Variants in LRP6 observed in about 807,000 individuals in gnomAD.
LRP6 encodes the protein low-density lipoprotein receptor-related protein 6.
A neutral mutation model predicts 184.1 loss-of-function variants in LRP6; 43 were observed. The observed-to-expected ratio is 0.23, with a 90% CI of 0.18 to 0.30. LRP6 has a LOEUF of 0.30. Ranked by LOEUF, LRP6 falls within the 10% of genes least tolerant of loss-of-function variation. LRP6 has a pLI of 1.00. For missense variants in LRP6, 1,571 were observed against 2,005.3 expected (o/e 0.78, Z 4.14); for synonymous variants, 719 against 684.9 (o/e 1.05, Z -0.78).
At position 12,119,603 on chromosome 12, in the gene LRP6, C is replaced by T. The variant is rs1949565355; in HGVS notation, c.*1523G>A. 6.6e-6 allele frequency: 1 copy of T among 152,106 alleles called. No homozygotes were observed. Among genetic ancestry groups the T allele is most frequent in the Non-Finnish European group, 1.5e-5 (1 of 68,038 alleles). The allele number at this position is 152,106 out of a possible 1,614,324, so 9.4% of individuals were successfully genotyped here. ...ATCACAAAAGAGGCTTCCATTATTC[C>T]CTTCCACCCAAATTCTGACAGCTGA... On this transcript the variant is annotated 3_prime_UTR_variant, in exon 23 of 23. Transcript: ENST00000261349.
chr12:12,158,864 T>G lies in LRP6; in HGVS notation c.2756A>C (p.His919Pro), dbSNP rs1591898047. 1 of 1,614,198 alleles carries G rather than the reference T, an allele frequency of 6.2e-7. No individual in the cohort carries two copies. Reference protein sequence around the residue: ...VGGFVCGCPAHYSLNADNRTC... With the variant: ...VGGFVCGCPAPYSLNADNRTC... ...CCTGTTGTCAGCATTAAGAGAGTAG[T>G]GGGCAGGGCATCCACAAACAAAACC... The change falls in exon 12 of 23, where the codon CAC becomes CCC. Residue 919 changes from histidine to proline, a missense_variant. His to Pro is a moderately conservative substitution (Grantham distance 77). Coordinates refer to ENST00000261349, the MANE Select transcript of LRP6 (RefSeq NM_002336.3).
intron 7 of LRP6, among the ~76,000 whole-genome samples, chr12:12,174,957 A>C (rs1268533849): frequency 6.6e-6 from 1 of 152,244 alleles, no homozygotes; most frequent in Admixed American, 6.5e-5. Flanking sequence ...AGCTTACTCT[A>C]AGATTTAAAG....
At chr12:12,135,112 T>A in intron 17 of LRP6, 63 bp downstream of exon 17, 1 of 1,610,696 alleles carries the variant, frequency 6.2e-7, no homozygotes, top group Non-Finnish European at 8.5e-7. Context: ...CATAGAAGTC[T>A]AGGCTTAAGA....
intron 3 of LRP6, among the ~76,000 whole-genome samples, chr12:12,189,257 G>C (rs1863553925): frequency 6.6e-6 from 1 of 152,162 alleles, no homozygotes; most frequent in Non-Finnish European, 1.5e-5. Context: ...GTCAACGGAA[G>C]GTAATAATCT....
intron 9 of LRP6, 42 bp from the exon 10 acceptor site, chr12:12,162,461 T>TA: frequency 6.6e-7 from 1 of 1,517,208 alleles, no homozygotes; most frequent in Non-Finnish European, 9.2e-7. Flanking sequence ...GGCATAAGTC[T>TA]AAACCCTATC....
chr12:12,253,020 T>C (rs1591989160), intron 1 of LRP6, among the ~76,000 whole-genome samples: 1 of 152,146 alleles, frequency 6.6e-6, no homozygotes, highest in Non-Finnish European at 1.5e-5. Context: ...TCCCAGCACT[T>C]TGGGGGGCTG....
intron 22 of LRP6, among the ~76,000 whole-genome samples, chr12:12,122,473 AG>A (rs1949618345): frequency 6.6e-6 from 1 of 152,202 alleles, no homozygotes; most frequent in Non-Finnish European, 1.5e-5. Flanking sequence ...AATATATCCC[AG>A]GAACCCAGGA....
intron 7 of LRP6, among the ~76,000 whole-genome samples, chr12:12,169,305 A>G (rs1010675290): frequency 9.2e-5 from 14 of 152,128 alleles, no homozygotes; most frequent in African/African-American, 2.9e-4. Context: ...ATAGTCTCAC[A>G]CTGGTTCAGA....
chr12:12,236,001 G>A (rs1864921793), intron 2 of LRP6, among the ~76,000 whole-genome samples: 2 of 152,072 alleles, frequency 1.3e-5, no homozygotes, highest in South Asian at 2.1e-4. Flanking sequence ...CGAGGCGGGC[G>A]GATCACCAGG....
In LRP6 at chr12:12,116,619, A is replaced by T. The variant is rs1035629422; in HGVS notation, c.*4507T>A. On this transcript the variant is annotated 3_prime_UTR_variant, in exon 23 of 23. Transcript: ENST00000261349. ...AGTTCAGCAAAAGCGCGTTGTCTGT[A>T]ATTCTCTGGTGTTGCTTCTGGGCAA... is the stretch of plus-strand genomic sequence containing the variant. The T allele has an allele frequency of 6.6e-6, 1 of 152,204 alleles. No individual in the cohort carries two copies. Among genetic ancestry groups the T allele is most frequent in the Non-Finnish European group, 1.5e-5 (1 of 68,036 alleles). 9.4% of individuals were successfully genotyped at this position (152,204 alleles called of 1,614,324 possible).
rs1345621713 is a variant in LRP6, at chr12:12,266,963, C to G, written c.-228G>C. ...CGCGACGCCAGCGTCTGCTTCCATC[C>G]CGCCGCCTCCTCCCCCGGCGCCCCG... On this transcript the variant is annotated 5_prime_UTR_variant, in exon 1 of 23. Transcript: ENST00000261349. 1 of 545,094 alleles carries G rather than the reference C, an allele frequency of 1.8e-6. No homozygotes were observed. Among genetic ancestry groups the G allele is most frequent in the Admixed American group, 3.8e-5 (1 of 26,264 alleles). 33.8% of individuals were successfully genotyped at this position (545,094 alleles called of 1,614,324 possible). A position where few individuals can be genotyped will look rare whatever the true frequency, so the allele number is the denominator to read the frequency against.
rs1348709314 is a variant in LRP6, at chr12:12,180,580, C to A, written c.1373+463G>T. Among the ~76,000 whole-genome samples, 3 of 151,806 alleles carry A rather than the reference C, an allele frequency of 2.0e-5. No homozygotes were observed. The East Asian group carries it at 5.8e-4, about 29-fold the overall frequency. On this transcript the variant is annotated intron_variant, in intron 6 of 22. Coordinates refer to ENST00000261349, the MANE Select transcript of LRP6 (RefSeq NM_002336.3). The stretch of plus-strand genomic sequence containing the variant: ...ATCAGGGTGGCATGGCAAAACAAAA[C>A]AAACAACAACAACAAACTAGAAGTA...
chr12:12,214,515 G>T (rs949501601), intron 2 of LRP6, among the ~76,000 whole-genome samples: 2 of 152,116 alleles, frequency 1.3e-5, no homozygotes, highest in Non-Finnish European at 2.9e-5. Flanking sequence ...ACACATTCCT[G>T]CAAAATAAAT....
intron 2 of LRP6, among the ~76,000 whole-genome samples, chr12:12,239,108 C>G (rs1864994610): frequency 6.6e-6 from 1 of 152,154 alleles, no homozygotes; most frequent in Non-Finnish European, 1.5e-5. Flanking sequence ...CTAGAGGATC[C>G]TTAAGATTCC....
intron 12 of LRP6, among the ~76,000 whole-genome samples, chr12:12,158,204 T>G (rs939424068): frequency 2.0e-5 from 3 of 152,236 alleles, no homozygotes; most frequent in Non-Finnish European, 4.4e-5. Flanking sequence ...ACAAGTAAGT[T>G]GTGTTTTGCG....
intron 12 of LRP6, among the ~76,000 whole-genome samples, chr12:12,158,328 T>C (rs759582341): frequency 6.6e-6 from 1 of 151,970 alleles, no homozygotes; most frequent in Non-Finnish European, 1.5e-5. Context: ...AAGACTTAAT[T>C]TTTCCTTTTT....
Position 12,121,023 on chromosome 12 carries a change from C to G in LRP6, c.*103G>C. The G allele has an allele frequency of 1.0e-6, 1 of 957,878 alleles. No individual in the cohort carries two copies. The highest frequency in any genetic ancestry group is 1.8e-5 in the South Asian group (1 of 54,226). The allele number at this position is 957,878 out of a possible 1,614,324, so 59.3% of individuals were successfully genotyped here. ...TTTTATAATTTTAACTGTACATGGT[C>G]TGCCTCATCCTTCTCTAATAGCTCC... On this transcript the variant is annotated 3_prime_UTR_variant, in exon 23 of 23. Coordinates refer to ENST00000261349, the MANE Select transcript of LRP6 (RefSeq NM_002336.3).
At chr12:12,184,188 C>A in intron 4 of LRP6, 77 bp from the exon 5 acceptor site, 2 of 1,251,560 alleles carry the variant, frequency 1.6e-6, no homozygotes, top group Non-Finnish European at 2.3e-6. Flanking sequence ...ACATGAACAA[C>A]TGTGATAAGC....
intron 1 of LRP6, among the ~76,000 whole-genome samples, chr12:12,260,659 G>A (rs990442299): frequency 1.3e-5 from 2 of 152,128 alleles, no homozygotes; most frequent in African/African-American, 2.4e-5. Context: ...TATTGACTGT[G>A]CGTTCTACTA....
Sources: gnomAD v4.1 joint callset for allele counts (sites outside exome capture counted in the v4.1 genomes callset) on GRCh38, gnomAD v4.1.1 for gene constraint, MANE v1.5 for transcripts, NCBI Gene and HGNC (gene_info 2026-07-23, HGNC 2026-07-21) for gene names.